ING5: variants seen among roughly 807,000 people sequenced by gnomAD.
ING5 encodes the protein inhibitor of growth protein 5.
Under a neutral mutation model 37.4 loss-of-function variants are expected in ING5, and 17 were observed. The ratio of observed to expected loss-of-function variants is 0.45; its 90% CI spans 0.31 to 0.68. The LOEUF (loss-of-function observed/expected upper bound fraction) is 0.68. Among genes scored for constraint, ING5 ranks in the 30% least tolerant of loss-of-function variants. The pLI is 0.05. For missense variants in ING5, 233 were observed against 311.9 expected, an observed-to-expected ratio of 0.75 and a Z score of 1.91; for synonymous variants, 123 against 116.6, an observed-to-expected ratio of 1.06 and a Z score of -0.36.
At chr2:241,722,766 G>C in intron 5 of ING5, 173 bp from the exon 6 acceptor site, 1 of 985,400 alleles carries the variant, frequency 1.0e-6, no homozygotes, top group Non-Finnish European at 1.2e-6. Context: ...ATGGAAGCAA[G>C]CTTATTCATT....
At chr2:241,717,449 T>C (rs2070306045) in intron 5 of ING5, among the ~76,000 whole-genome samples, 1 of 152,194 alleles carries the variant, frequency 6.6e-6, no homozygotes. Flanking sequence ...TATATTTCTT[T>C]ATGTGGATGC....
At chr2:241,705,315 T>C (rs1190744571) in intron 2 of ING5, among the ~76,000 whole-genome samples, 1 of 151,648 alleles carries the variant, frequency 6.6e-6, no homozygotes, top group African/African-American at 2.4e-5. Context: ...CCTCACCTCA[T>C]GATCTGCCCG....
At chr2:241,688,565 G>A (rs1380754229) in intron 1 of ING5, among the ~76,000 whole-genome samples, 1 of 152,148 alleles carries the variant, frequency 6.6e-6, no homozygotes, top group Non-Finnish European at 1.5e-5. Context: ...GGTTCTGGAA[G>A]GATATGGGTT....
intron 1 of ING5, 44 bp from the exon 2 acceptor site, chr2:241,704,609 C>A: frequency 6.6e-7 from 1 of 1,517,078 alleles, no homozygotes; most frequent in Non-Finnish European, 9.1e-7. Flanking sequence ...GAATTTTTGT[C>A]TTGCTGCTGA....
Position 241,729,338 on chromosome 2 carries a change from TTATC to T in ING5, c.*4311_*4314del, listed in dbSNP as rs1314213108. ...TTACATTTTTATTTTCAAGGAATTA[TTATC>T]TATGTTCCCTTTGTAAAGGAAAGAT... On this transcript the variant is annotated 3_prime_UTR_variant, in exon 8 of 8. Transcript: ENST00000313552. 1.3e-5 allele frequency: 2 copies of T among 152,686 alleles called. No homozygotes were observed. Among genetic ancestry groups the T allele is most frequent in the Non-Finnish European group, 2.9e-5 (2 of 68,040 alleles). 9.5% of individuals were successfully genotyped at this position (152,686 alleles called of 1,614,324 possible). A position where few individuals can be genotyped will look rare whatever the true frequency, so the allele number is the denominator to read the frequency against.
At chr2:241,711,919 A>T (rs2070123066) in intron 4 of ING5, 59 bp from the exon 5 acceptor site, 40 of 1,452,924 alleles carry the variant, frequency 2.8e-5, no homozygotes, top group Non-Finnish European at 9.3e-7. Context: ...ACAAAACACA[A>T]AACTTGCCTT....
rs568076989 is a variant in ING5, at chr2:241,725,821, C to T, written c.*790C>T. 4 of 150,350 alleles carry T rather than the reference C, an allele frequency of 2.7e-5. No homozygotes were observed. Among genetic ancestry groups the T allele is most frequent in the South Asian group, 2.1e-4 (1 of 4,668 alleles). The allele number at this position is 150,350 out of a possible 1,614,324, so 9.3% of individuals were successfully genotyped here. A position where few individuals can be genotyped will look rare whatever the true frequency, so the allele number is the denominator to read the frequency against. On this transcript the variant is annotated 3_prime_UTR_variant, in exon 8 of 8. Coordinates refer to ENST00000313552, the MANE Select transcript of ING5 (RefSeq NM_032329.6). ...GAAATTACCCTAATAGCATGAAGAT[C>T]GTGGGTCTGTGTGTCCGTGAAGTGA...
At chr2:241,690,384 T>A in exon 2 of ING5, 1 of 384,138 alleles carries the variant, frequency 2.6e-6, no homozygotes, top group Non-Finnish European at 4.6e-6. Flanking sequence ...AAGTCCAGTG[T>A]TAGGCAGGCA....
rs1416704158 is a variant in ING5, at chr2:241,725,105, T to C, written c.*74T>C. On this transcript the variant is annotated 3_prime_UTR_variant, in exon 8 of 8. Coordinates refer to ENST00000313552, the MANE Select transcript of ING5 (RefSeq NM_032329.6). ...TTCGTGTCGCAATATTTCCCTTCCTTTTAAAACTACCTTGTTCGGTTGATA... is the reference window on the plus strand; with the variant it reads ...TTCGTGTCGCAATATTTCCCTTCCTCTTAAAACTACCTTGTTCGGTTGATA... The C allele has an allele frequency of 8.1e-6, 12 of 1,483,912 alleles. No homozygotes were observed. Among genetic ancestry groups the C allele is most frequent in the Non-Finnish European group, 1.1e-5 (12 of 1,061,848 alleles). The allele number at this position is 1,483,912 out of a possible 1,614,324, so 91.9% of individuals were successfully genotyped here.
intron 7 of ING5, chr2:241,724,515 T>A: frequency 5.7e-6 from 1 of 174,946 alleles, no homozygotes. Flanking sequence ...AGGAGCCCCT[T>A]GTGCGTGCAG....
At chr2:241,706,747 T>C (rs1457114010) in intron 2 of ING5, among the ~76,000 whole-genome samples, 1 of 152,072 alleles carries the variant, frequency 6.6e-6, no homozygotes. Context: ...GAATCCTAGG[T>C]TGACAATTGT....
chr2:241,724,918 G>A, intron 7 of ING5, 71 bp from the exon 8 acceptor site: 1 of 1,462,234 alleles, frequency 6.8e-7, no homozygotes. Flanking sequence ...GACATGGGGA[G>A]GCGGGCCCTG....
chr2:241,716,521 C>G (rs774447970), intron 5 of ING5, among the ~76,000 whole-genome samples: 1 of 150,708 alleles, frequency 6.6e-6, no homozygotes, highest in Non-Finnish European at 1.5e-5. Flanking sequence ...TCTCGAACCC[C>G]TGACCCCAAG....
intron 1 of ING5, among the ~76,000 whole-genome samples, chr2:241,689,259 C>G (rs911287971): frequency 3.9e-5 from 6 of 151,974 alleles, no homozygotes; most frequent in Admixed American, 1.3e-4. Context: ...ATTACAGGCA[C>G]CTGCCACCAC....
rs188851616 is a variant in ING5, at chr2:241,714,461, T to G, written c.482+2390T>G. Among the ~76,000 whole-genome samples, 651 of 152,312 alleles carry G rather than the reference T, an allele frequency of 4.3e-3. 22 individuals carry two copies. The highest frequency in any genetic ancestry group is 4.7e-4 in the Non-Finnish European group (32 of 68,032). On this transcript the variant is annotated intron_variant, in intron 5 of 7. Coordinates refer to ENST00000313552, the MANE Select transcript of ING5 (RefSeq NM_032329.6). ...ATCTGTGTCTTTCAAGAAATTTGTT[T>G]CATGTAAGTTGTCAGATTTTTTTGA...
chr2:241,718,180 G>A (rs572257905), intron 5 of ING5, among the ~76,000 whole-genome samples: 95 of 151,950 alleles, frequency 6.3e-4, no homozygotes, highest in African/African-American at 2.2e-3. Context: ...ACCCGGCTAA[G>A]TTTTGTATTT....
intron 6 of ING5, 25 bp downstream of exon 6, chr2:241,723,099 G>T: frequency 5.0e-6 from 8 of 1,614,206 alleles, no homozygotes; most frequent in Non-Finnish European, 5.9e-6. Flanking sequence ...CAGGATTCGC[G>T]CCATGGGGCG....
chr2:241,724,941 G>A (rs768739657), intron 7 of ING5, 48 bp from the exon 8 acceptor site: 6 of 1,602,410 alleles, frequency 3.7e-6, no homozygotes, highest in East Asian at 4.5e-5. Flanking sequence ...CACCCTGCGC[G>A]CTGGCGGAAA....
At chr2:241,719,423 C>A in intron 5 of ING5, 1 of 871,158 alleles carries the variant, frequency 1.1e-6, no homozygotes, top group Non-Finnish European at 1.8e-6. Context: ...TCCACAGCTC[C>A]CCGACATCTT....
Sources: allele counts gnomAD v4.1 joint callset (sites outside exome capture counted in the v4.1 genomes callset), GRCh38; gene constraint gnomAD v4.1.1; transcripts MANE v1.5; gene names NCBI Gene and HGNC (gene_info 2026-07-23, HGNC 2026-07-21).